Variants in COQ8A observed in about 807,000 individuals in gnomAD.
The protein encoded by COQ8A is atypical kinase COQ8A, mitochondrial.
COQ8A carries 51 observed loss-of-function variants against 65.0 expected under a neutral mutation model. The ratio of observed to expected loss-of-function variants is 0.78; its 90% CI spans 0.63 to 0.99. COQ8A has a LOEUF of 0.99. COQ8A is among the 50% of genes least tolerant of loss of function. The probability of loss-of-function intolerance (pLI) is 0.00; values close to 1 mark genes in which losing one functional copy is unlikely to be tolerated. For missense variants in COQ8A, 940 were observed against 875.0 expected (o/e 1.07, Z -0.94); for synonymous variants, 371 against 353.2 (o/e 1.05, Z -0.57).
chr1:226,956,470 G>T (rs2777838), intron 1 of COQ8A, among the ~76,000 whole-genome samples: 3,782 of 114,634 alleles, frequency 0.033, 104 homozygotes, highest in East Asian at 0.14. Context: ...CCACTCCCTG[G>T]TTCACACTCT....
At position 226,982,526 on chromosome 1, in the gene COQ8A, C is replaced by T. The variant is rs985514837; in HGVS notation, c.854-152C>T. ...TCCCGGGAAGCTGAGTGGCCGAGGG[C>T]GTGTGTGCGAGGGCTCCTGTCTTTC... On this transcript the variant is annotated intron_variant, in intron 6 of 14. Transcript: ENST00000366777. The T allele has an allele frequency of 1.9e-5, 16 of 845,234 alleles. 1 individual carries two copies. Among genetic ancestry groups the T allele is most frequent in the South Asian group, 8.4e-5 (6 of 71,460 alleles). The allele number at this position is 845,234 out of a possible 1,614,324, so 52.4% of individuals were successfully genotyped here.
chr1:226,979,520 C>T lies in COQ8A; in HGVS notation c.730+1997C>T, dbSNP rs78910102. Among the ~76,000 whole-genome samples, 469 of 152,304 alleles carry T rather than the reference C, an allele frequency of 3.1e-3. 19 individuals are homozygous for T. In the East Asian group the frequency reaches 0.062, roughly 20 times the overall value. On this transcript the variant is annotated intron_variant, in intron 5 of 14. Transcript: ENST00000366777. ...AGTTCTGGGCCAAGTCCCCTGGCCC[C>T]GGCCCATTCAGGGAATGTCAGCTCA... is the stretch of plus-strand genomic sequence containing the variant.
At chr1:226,959,420 TAA>T (rs74258787) in intron 1 of COQ8A, among the ~76,000 whole-genome samples, 15 of 144,050 alleles carry the variant, frequency 1.0e-4, no homozygotes, top group Admixed American at 1.4e-4. Context: ...ACCCCTCTCT[TAA>T]AAAAAAAAAA....
In COQ8A at chr1:226,984,234, A is replaced by G; in HGVS notation, c.1397A>G (p.Glu466Gly). ...GGGCTCAGCCAGGAGATTCGGAACG[A>G]GGTTTGTCTGTGCCAGCAGACAGGT... Reference protein sequence around the residue: ...AEGLSQEIRNEICYNILVLCL... With the variant: ...AEGLSQEIRNGICYNILVLCL... Residue 466 changes from glutamate to glycine, a missense_variant and splice_region_variant, in exon 11 of 15, where the codon GAG (glutamate) becomes GGG (glycine). Physicochemically the swap from Glu to Gly is moderately conservative, Grantham distance 98 (BLOSUM62 -2). Coordinates refer to ENST00000366777, the MANE Select transcript of COQ8A (RefSeq NM_020247.5). 1 of 1,613,462 alleles carries G rather than the reference A, an allele frequency of 6.2e-7. No homozygotes were observed. Among genetic ancestry groups the G allele is most frequent in the Non-Finnish European group, 8.5e-7 (1 of 1,179,966 alleles).
At chr1:226,962,106 G>C (rs936869219) in intron 2 of COQ8A, among the ~76,000 whole-genome samples, 2 of 152,208 alleles carry the variant, frequency 1.3e-5, no homozygotes, top group Non-Finnish European at 2.9e-5. Flanking sequence ...GTGTCCATCA[G>C]CCTGGCTCAG....
intron 4 of COQ8A, 143 bp downstream of exon 4, chr1:226,965,880 T>C: frequency 2.4e-6 from 2 of 841,672 alleles, no homozygotes; most frequent in Non-Finnish European, 1.9e-6. Flanking sequence ...GCATGAGCTT[T>C]TGGGGAGCTG....
chr1:226,944,993 C>T (rs1656941935), intron 1 of COQ8A, among the ~76,000 whole-genome samples: 1 of 152,124 alleles, frequency 6.6e-6, no homozygotes, highest in Non-Finnish European at 1.5e-5. Flanking sequence ...CCTCTTACCT[C>T]TCACTATTTC....
chr1:226,974,523 G>A (rs954413560), intron 4 of COQ8A, among the ~76,000 whole-genome samples: 3 of 152,238 alleles, frequency 2.0e-5, no homozygotes, highest in African/African-American at 7.2e-5. Flanking sequence ...GGGAGTGCCG[G>A]CTGAGGTGCT....
Position 226,946,168 on chromosome 1 carries a change from C to T in COQ8A, c.-10+5769C>T, listed in dbSNP as rs145791373. Among the ~76,000 whole-genome samples the T allele has an allele frequency of 1.1e-4, 16 of 152,244 alleles. No homozygotes were observed. Among genetic ancestry groups the T allele is most frequent in the Admixed American group, 2.6e-4 (4 of 15,294 alleles). On this transcript the variant is annotated intron_variant, in intron 1 of 14. Transcript: ENST00000366777. This position sits in a 1 kb window ranked among gnomAD's most constrained non-coding sequence, Gnocchi z 5.3. ...CTGGGAAAGAGAGGGCCCCTCCCTCCGGAGCTTACCTTGCAGTAAGGGAAA... is the reference window on the plus strand; with the variant it reads ...CTGGGAAAGAGAGGGCCCCTCCCTCTGGAGCTTACCTTGCAGTAAGGGAAA...
rs1658960633 is a variant in COQ8A at position 226,972,431 on chromosome 1, A to AATGGAC, written c.656-5017_656-5012dup. Among the ~76,000 whole-genome samples, 1 of 152,130 alleles carries AATGGAC rather than the reference A, an allele frequency of 6.6e-6. No individual in the cohort carries two copies. Among genetic ancestry groups the AATGGAC allele is most frequent in the South Asian group, 2.1e-4 (1 of 4,828 alleles). On this transcript the variant is annotated intron_variant, in intron 4 of 14. Transcript: ENST00000366777. The surrounding 1 kb of genome is among the most constrained non-coding windows in gnomAD (Gnocchi z 4.3). Reference sequence around the variant, plus strand: ...TGGGCCAGGAATGAAGAGTAGAGGGAATGGACCTTTGGGTATCCTATTATT... The same window carrying AATGGAC: ...TGGGCCAGGAATGAAGAGTAGAGGGAATGGACATGGACCTTTGGGTATCCTATTATT...
At chr1:226,956,268 A>C (rs1186258065) in intron 1 of COQ8A, among the ~76,000 whole-genome samples, 5 of 51,220 alleles carry the variant, frequency 9.8e-5, no homozygotes, top group Admixed American at 2.0e-4. Flanking sequence ...TCCCTGGTTC[A>C]CACTCTCCCT....
chr1:226,985,878 C>G (rs1432103197), intron 14 of COQ8A, among the ~76,000 whole-genome samples: 3 of 152,192 alleles, frequency 2.0e-5, no homozygotes, highest in Non-Finnish European at 4.4e-5. Flanking sequence ...TCTGAGCCCC[C>G]CTTATCTCAG....
chr1:226,982,726 G>T lies in COQ8A; in HGVS notation c.902G>T (p.Arg301Leu), dbSNP rs1243721108. The T allele has an allele frequency of 4.3e-6, 7 of 1,613,574 alleles. No individual in the cohort carries two copies. The highest frequency in any genetic ancestry group is 5.9e-6 in the Non-Finnish European group (7 of 1,180,022). ...CTGGCTAAGATCTTCGAGCGGGTGC[G>T]GCAGAGCGCGGACTTCATGCCACTG... Reference protein sequence around the residue: ...PHLAKIFERVRQSADFMPLKQ... With the variant: ...PHLAKIFERVLQSADFMPLKQ... The change falls in exon 7 of 15, where the codon CGG (arginine) becomes CTG (leucine). Residue 301 changes from arginine to leucine, a missense_variant. Coordinates refer to ENST00000366777, the MANE Select transcript of COQ8A (RefSeq NM_020247.5).
intron 1 of COQ8A, among the ~76,000 whole-genome samples, chr1:226,954,657 C>T (rs1657580982): frequency 6.6e-6 from 1 of 152,218 alleles, no homozygotes; most frequent in African/African-American, 2.4e-5. Context: ...TGTGAGCCAG[C>T]CAGAGAATAG....
intron 5 of COQ8A, among the ~76,000 whole-genome samples, chr1:226,978,936 A>G (rs1028049738): frequency 7.0e-6 from 1 of 141,906 alleles, no homozygotes; most frequent in African/African-American, 2.6e-5. Flanking sequence ...CACACCCACC[A>G]CACACCCACA....
In COQ8A at chr1:226,949,336, G is replaced by GT. The variant is rs924774466; in HGVS notation, c.-10+8944dup. Among the ~76,000 whole-genome samples, 13 of 152,006 alleles carry GT rather than the reference G, an allele frequency of 8.6e-5. No individual in the cohort carries two copies. The highest frequency in any genetic ancestry group is 2.2e-4 in the African/African-American group (9 of 41,384). ...CAACGCGTTGGCATGATGAACGTGGGTTTTTTTATAGGGAGAGGAATCTGG... is the reference window on the plus strand; with the variant it reads ...CAACGCGTTGGCATGATGAACGTGGGTTTTTTTTATAGGGAGAGGAATCTGG... On this transcript the variant is annotated intron_variant, in intron 1 of 14. Transcript: ENST00000366777. This position sits in a 1 kb window ranked among gnomAD's most constrained non-coding sequence, Gnocchi z 4.0.
intron 4 of COQ8A, chr1:226,975,063 G>C (rs980860551): frequency 1.3e-5 from 2 of 152,264 alleles, no homozygotes; most frequent in Admixed American, 6.5e-5. Context: ...TCCAGACACA[G>C]AGAGACATTG....
At chr1:226,974,424 G>A (rs906605264) in intron 4 of COQ8A, among the ~76,000 whole-genome samples, 2 of 152,240 alleles carry the variant, frequency 1.3e-5, no homozygotes, top group Non-Finnish European at 1.5e-5. Context: ...CCAAGCCGGG[G>A]GCGCTCTTAG....
At chr1:226,959,131 T>G (rs895541121) in intron 1 of COQ8A, among the ~76,000 whole-genome samples, 4 of 152,216 alleles carry the variant, frequency 2.6e-5, no homozygotes, top group African/African-American at 9.6e-5. Context: ...AGTAGGATTT[T>G]AAGACCTAAG....
Sources: gnomAD v4.1 joint callset for allele counts (sites outside exome capture counted in the v4.1 genomes callset) on GRCh38, gnomAD v4.1.1 for gene constraint, Gnocchi (gnomAD v3.1) non-coding constraint, MANE v1.5 for transcripts, NCBI Gene and HGNC (gene_info 2026-07-23, HGNC 2026-07-21) for gene names.